MYO9A: variants seen among roughly 807,000 people sequenced by gnomAD.
MYO9A encodes the protein unconventional myosin-IXa.
In MYO9A, 103 loss-of-function variants were observed where a neutral mutation model predicts 293.3. The ratio of observed to expected loss-of-function variants is 0.35; its 90% CI spans 0.30 to 0.41. MYO9A has a LOEUF of 0.41. Ranked by LOEUF, MYO9A falls within the 10% of genes least tolerant of loss-of-function variation. The pLI, the probability that MYO9A is intolerant of heterozygous loss-of-function variation, is 1.00. For missense variants in MYO9A, 2,685 were observed against 3,033.0 expected (o/e 0.89, Z 2.69); for synonymous variants, 1,001 against 1,035.7 (o/e 0.97, Z 0.64).
chr15:72,007,928 T>C lies in MYO9A; in HGVS notation c.1278A>G (p.Ile426Met). 1 of 1,612,472 alleles carries C rather than the reference T, an allele frequency of 6.2e-7. No individual in the cohort carries two copies. Among genetic ancestry groups the C allele is most frequent in the South Asian group, 1.1e-5 (1 of 90,680 alleles). Residue 426 changes from isoleucine (I) to methionine (M), a missense_variant, in exon 8 of 42, where the codon ATA becomes ATG. Coordinates refer to ENST00000356056, the MANE Select transcript of MYO9A (RefSeq NM_006901.4). ...TGTAACAGATATTACCCAAATGTAG[T>C]ATGGCTGAGAGAAGAGAGAAAATCC... ...RRQIFSLLSAILHLGNICYKK... is the reference protein window; with the variant it reads ...RRQIFSLLSAMLHLGNICYKK...
Position 71,883,639 on chromosome 15 carries a change from G to GT in MYO9A, c.5352dup (p.Leu1785ThrfsTer16). On this transcript the variant is annotated frameshift_variant, in exon 28 of 42. Transcript: ENST00000356056. LOFTEE classifies it high-confidence loss of function. ...GGAATCACATCTGTGCCTGCAAAGA[G>GT]TGGCGAAACCTCTGACTGGGTAGTA... The GT allele has an allele frequency of 6.2e-7, 1 of 1,613,600 alleles. No homozygotes were observed. Among genetic ancestry groups the GT allele is most frequent in the Non-Finnish European group, 8.5e-7 (1 of 1,179,770 alleles).
intron 39 of MYO9A, among the ~76,000 whole-genome samples, chr15:71,837,751 A>G (rs2054999085): frequency 6.6e-6 from 1 of 152,160 alleles, no homozygotes; most frequent in Non-Finnish European, 1.5e-5. Context: ...AGTAATTTTT[A>G]AAAAGTTGAT....
At chr15:71,901,434 G>A in intron 22 of MYO9A, 94 bp from the exon 23 acceptor site, 1 of 1,290,868 alleles carries the variant, frequency 7.7e-7, no homozygotes, top group Admixed American at 2.6e-5. Context: ...TTTTAGAGAA[G>A]AACAAACACA....
intron 15 of MYO9A, among the ~76,000 whole-genome samples, chr15:71,940,613 G>C (rs2058749931): frequency 6.6e-6 from 1 of 152,060 alleles, no homozygotes; most frequent in Non-Finnish European, 1.5e-5. Context: ...AGAAAATAAA[G>C]ACTCAACTAA....
chr15:71,995,653 T>C (rs1195123341), intron 9 of MYO9A, among the ~76,000 whole-genome samples: 1 of 152,102 alleles, frequency 6.6e-6, no homozygotes, highest in Non-Finnish European at 1.5e-5. Context: ...ATTTACATAT[T>C]TATTATCTAG....
At chr15:71,891,474 A>G (rs1158634575) in intron 26 of MYO9A, 2 of 152,244 alleles carry the variant, frequency 1.3e-5, no homozygotes, top group Admixed American at 6.5e-5. Context: ...TGTATACTAG[A>G]CAAAGCAGGA....
At position 71,823,149 on chromosome 15, in the gene MYO9A, C is replaced by G. The variant is rs985446204; in HGVS notation, c.*3431G>C. 2 of 152,002 alleles carry G rather than the reference C, an allele frequency of 1.3e-5. No homozygotes were observed. Among genetic ancestry groups the G allele is most frequent in the Non-Finnish European group, 2.9e-5 (2 of 68,014 alleles). 9.4% of individuals were successfully genotyped at this position (152,002 alleles called of 1,614,324 possible). Reference sequence around the variant, plus strand: ...AGCCATGGAGTGAGTATGTATGTTTCTTTTTAAAATGAAAACTCTCTTAGC... The same window carrying G: ...AGCCATGGAGTGAGTATGTATGTTTGTTTTTAAAATGAAAACTCTCTTAGC... On this transcript the variant is annotated 3_prime_UTR_variant, in exon 42 of 42. Coordinates refer to ENST00000356056, the MANE Select transcript of MYO9A (RefSeq NM_006901.4).
chr15:71,996,819 A>G (rs1312150480), intron 9 of MYO9A, among the ~76,000 whole-genome samples: 1 of 152,038 alleles, frequency 6.6e-6, no homozygotes, highest in East Asian at 1.9e-4. Context: ...GTGCTTGACC[A>G]AAACCCAAGA....
chr15:72,053,021 C>T (rs1413490859), intron 1 of MYO9A, among the ~76,000 whole-genome samples: 5 of 151,662 alleles, frequency 3.3e-5, no homozygotes, highest in South Asian at 2.1e-4. Context: ...CTGCCCAGGC[C>T]GGTCCACAAA....
At position 71,883,524 on chromosome 15, in the gene MYO9A, G is replaced by C; in HGVS notation, c.5398+70C>G. The C allele has an allele frequency of 2.0e-6, 3 of 1,505,216 alleles. No individual in the cohort carries two copies. The East Asian group carries it at 6.8e-5, about 34-fold the overall frequency. The allele number at this position is 1,505,216 out of a possible 1,614,324, so 93.2% of individuals were successfully genotyped here. ...CAGGATTGACATTATGAATACTACA[G>C]GAATAGCAAACTTTCAGAAAGAGTG... On this transcript the variant is annotated intron_variant, in intron 28 of 41. Coordinates refer to ENST00000356056, the MANE Select transcript of MYO9A (RefSeq NM_006901.4).
intron 8 of MYO9A, among the ~76,000 whole-genome samples, chr15:72,004,645 G>C (rs2076967092): frequency 8.5e-5 from 13 of 152,126 alleles, no homozygotes; most frequent in Admixed American, 8.5e-4. Context: ...GATAAAAACT[G>C]AACAGTTTTT....
chr15:71,951,764 T>C lies in MYO9A; in HGVS notation c.2302+13A>G, dbSNP rs1488521073. On this transcript the variant is annotated intron_variant, in intron 15 of 41. Coordinates refer to ENST00000356056, the MANE Select transcript of MYO9A (RefSeq NM_006901.4). ...GATATGTGATAACAGTTTATCAGGA[T>C]TTGTAGCCTTACTGTACTTCTCTTC... is the stretch of plus-strand genomic sequence containing the variant. The C allele has an allele frequency of 4.3e-6, 7 of 1,613,534 alleles. No homozygotes were observed. Among genetic ancestry groups the C allele is most frequent in the Non-Finnish European group, 5.9e-6 (7 of 1,179,866 alleles).
At chr15:72,065,780 G>T (rs1279913639) in intron 1 of MYO9A, among the ~76,000 whole-genome samples, 1 of 152,084 alleles carries the variant, frequency 6.6e-6, no homozygotes, top group East Asian at 1.9e-4. Flanking sequence ...TCTTTTTAAT[G>T]AGCAAAAGAC....
At chr15:71,970,126 G>C (rs943423531) in intron 12 of MYO9A, among the ~76,000 whole-genome samples, 5 of 152,170 alleles carry the variant, frequency 3.3e-5, no homozygotes, top group Non-Finnish European at 7.4e-5. Flanking sequence ...AACAGATCTG[G>C]AATGAAAGCT....
At chr15:71,926,175 C>T (rs533514520) in intron 18 of MYO9A, among the ~76,000 whole-genome samples, 2 of 152,244 alleles carry the variant, frequency 1.3e-5, no homozygotes, top group Non-Finnish European at 2.9e-5. Flanking sequence ...ACTTAGGCTA[C>T]GGGTGTTTAC....
intron 4 of MYO9A, among the ~76,000 whole-genome samples, chr15:72,021,969 T>C (rs1388340629): frequency 1.3e-5 from 2 of 152,134 alleles, no homozygotes; most frequent in Non-Finnish European, 2.9e-5. Context: ...ACAATATACA[T>C]AGAGAGCCCT....
intron 15 of MYO9A, among the ~76,000 whole-genome samples, chr15:71,944,577 T>C (rs1207953229): frequency 2.0e-5 from 3 of 152,198 alleles, no homozygotes; most frequent in African/African-American, 7.2e-5. Context: ...GATATCCAGT[T>C]GTTCTAGTGC....
At chr15:71,893,953 A>C (rs1022471659) in intron 25 of MYO9A, among the ~76,000 whole-genome samples, 175 bp from the exon 26 acceptor site, 1 of 152,194 alleles carries the variant, frequency 6.6e-6, no homozygotes, top group African/African-American at 2.4e-5. Flanking sequence ...GAACCTACGC[A>C]TAAGACTGAA....
chr15:71,935,426 T>C lies in MYO9A; in HGVS notation c.2437A>G (p.Ser813Gly). The C allele has an allele frequency of 6.2e-7, 1 of 1,613,804 alleles. No individual in the cohort carries two copies. Among genetic ancestry groups the C allele is most frequent in the Non-Finnish European group, 8.5e-7 (1 of 1,179,744 alleles). Reference sequence around the variant, plus strand: ...TCTTTATCAAGCAAGGAGGTGCCACTTGATAGTCTGCTCTGGCGAATCCCA... The same window carrying C: ...TCTTTATCAAGCAAGGAGGTGCCACCTGATAGTCTGCTCTGGCGAATCCCA... ...RTGIRQSRLS[S>G]GTSLLDKDGI... is the part of the protein sequence containing the mutation. The change falls in exon 17 of 42, where the codon AGT (serine) becomes GGT (glycine). Residue 813 changes from serine (S) to glycine (G), a missense_variant. Physicochemically the swap from Ser to Gly is moderately conservative, Grantham distance 56. Around this residue, in one of 10 missense-constraint regions of MYO9A, gnomAD observed 1,434 missense variants for 1,497.7 expected, o/e 0.96. Coordinates refer to ENST00000356056, the MANE Select transcript of MYO9A (RefSeq NM_006901.4).
Sources: gnomAD v4.1 joint callset for allele counts (sites outside exome capture counted in the v4.1 genomes callset) on GRCh38, gnomAD v4.1.1 for gene constraint, gnomAD v4.1.1 regional missense constraint, MANE v1.5 for transcripts, NCBI Gene and HGNC (gene_info 2026-07-23, HGNC 2026-07-21) for gene names.